The following HDAC9 variants were observed in gnomAD, a reference collection of about 807,000 sequenced individuals.
HDAC9 encodes the protein MEF-2 interacting transcription repressor (MITR) protein.
HDAC9 carries 41 observed loss-of-function variants against 139.4 expected under a neutral mutation model. The observed-to-expected ratio is 0.29, with a 90% confidence interval of 0.23 to 0.38. The LOEUF (loss-of-function observed/expected upper bound fraction) is 0.38, where lower values mean the gene tolerates loss of function less well. Ranked by LOEUF, HDAC9 falls within the 10% of genes least tolerant of loss-of-function variation. The pLI is 1.00. For synonymous variants in HDAC9, 517 were observed against 476.2 expected (o/e 1.09, Z -1.12); for missense variants, 1,147 against 1,297.0 (o/e 0.88, Z 1.78).
At chr7:18,357,884 G>A (rs757493163) in intron 1 of HDAC9, among the ~76,000 whole-genome samples, 1 of 152,172 alleles carries the variant, frequency 6.6e-6, no homozygotes, top group South Asian at 2.1e-4. Context: ...TCTTTGTGAG[G>A]AGCTTGGATT....
intron 21 of HDAC9, among the ~76,000 whole-genome samples, chr7:18,837,291 G>T (rs1350924654): frequency 1.3e-5 from 2 of 151,892 alleles, no homozygotes; most frequent in African/African-American, 4.8e-5. Context: ...TGGGTTGATT[G>T]TGAAGATATT....
chr7:18,795,410 G>A (rs1174884042), intron 17 of HDAC9, among the ~76,000 whole-genome samples: 1 of 152,068 alleles, frequency 6.6e-6, no homozygotes, highest in African/African-American at 2.4e-5. Context: ...CATCTAGGTG[G>A]AATTGATAAT....
chr7:18,958,125 T>G (rs1783287625), intron 24 of HDAC9, among the ~76,000 whole-genome samples: 1 of 152,096 alleles, frequency 6.6e-6, no homozygotes, highest in Non-Finnish European at 1.5e-5. Context: ...GTCCTGTCCT[T>G]GTTTATGTTG....
intron 2 of HDAC9, among the ~76,000 whole-genome samples, chr7:18,179,110 C>G (rs1235729285): frequency 6.6e-6 from 1 of 152,168 alleles, no homozygotes; most frequent in Non-Finnish European, 1.5e-5. Context: ...GCTTATTTTT[C>G]TAAAGATTAT....
intron 1 of HDAC9, among the ~76,000 whole-genome samples, chr7:18,135,371 A>G (rs1041058850): frequency 1.4e-5 from 2 of 145,164 alleles, no homozygotes; most frequent in Non-Finnish European, 3.0e-5. Flanking sequence ...TTACATATGT[A>G]TACATGTGCC....
In HDAC9 at chr7:18,605,676, TTTTG is replaced by T. The variant is rs927028857; in HGVS notation, c.664+11663_664+11666del. Among the ~76,000 whole-genome samples, 140 of 151,376 alleles carry T rather than the reference TTTTG, an allele frequency of 9.2e-4. 4 individuals carry two copies. The highest frequency in any genetic ancestry group is 9.2e-3 in the Admixed American group (140 of 15,188). ...TTCTTCTGAGACTGGGCCCCTGGAGTTTTGTTTGTTTGTTTGTTTTTTGAGACAG... is the reference window on the plus strand; with the variant it reads ...TTCTTCTGAGACTGGGCCCCTGGAGTTTTGTTTGTTTGTTTTTTGAGACAG... On this transcript the variant is annotated intron_variant, in intron 6 of 25. Transcript: ENST00000686413.
intron 21 of HDAC9, chr7:18,851,485 A>T (rs1185691586): frequency 6.6e-6 from 1 of 152,450 alleles, no homozygotes; most frequent in African/African-American, 2.4e-5. Context: ...AGCAATGTGG[A>T]AGTGTGAGTC....
At chr7:18,458,800 G>A in intron 1 of HDAC9, 4 of 1,399,878 alleles carry the variant, frequency 2.9e-6, no homozygotes, top group African/African-American at 1.4e-5. Context: ...AACTCCCATG[G>A]AGGGTCCTTC....
chr7:18,960,694 T>C lies in HDAC9; in HGVS notation c.3022+6464T>C, dbSNP rs77202091. ...GAAGGAAAAGGCTATAAAAGTAAAATAAGACCGTATTTTATGTAATGTTAC... is the reference window on the plus strand; with the variant it reads ...GAAGGAAAAGGCTATAAAAGTAAAACAAGACCGTATTTTATGTAATGTTAC... On this transcript the variant is annotated intron_variant, in intron 24 of 25. Transcript: ENST00000686413. Among the ~76,000 whole-genome samples, 422 of 152,224 alleles carry C rather than the reference T, an allele frequency of 2.8e-3. 2 individuals carry two copies. Among genetic ancestry groups the C allele is most frequent in the African/African-American group, 9.7e-3 (405 of 41,564 alleles).
At chr7:18,166,853 G>C (rs1788046310) in intron 2 of HDAC9, among the ~76,000 whole-genome samples, 1 of 152,050 alleles carries the variant, frequency 6.6e-6, no homozygotes, top group Non-Finnish European at 1.5e-5. Flanking sequence ...TGTCCAAGTG[G>C]GTATTTTTTC....
chr7:18,783,035 T>C (rs1250687880), intron 16 of HDAC9, among the ~76,000 whole-genome samples: 1 of 152,080 alleles, frequency 6.6e-6, no homozygotes, highest in Non-Finnish European at 1.5e-5. Flanking sequence ...CAAAGCTTGC[T>C]TCCTTTTAAT....
intron 8 of HDAC9, among the ~76,000 whole-genome samples, chr7:18,642,714 T>C (rs1786070055): frequency 6.6e-6 from 1 of 152,108 alleles, no homozygotes; most frequent in Non-Finnish European, 1.5e-5. Flanking sequence ...CTCTTCACTG[T>C]AGTCAAAGCC....
At chr7:18,129,325 T>C (rs976352272) in intron 1 of HDAC9, among the ~76,000 whole-genome samples, 3 of 152,138 alleles carry the variant, frequency 2.0e-5, no homozygotes, top group Non-Finnish European at 4.4e-5. Flanking sequence ...CTCTCTGTAA[T>C]TCCAGAGTTG....
intron 1 of HDAC9, among the ~76,000 whole-genome samples, chr7:18,124,528 ATATCT>A (rs1190606046): frequency 6.6e-6 from 1 of 152,134 alleles, no homozygotes; most frequent in Non-Finnish European, 1.5e-5. Flanking sequence ...TTCTTCCCAG[ATATCT>A]TATGTTTTTA....
At chr7:18,570,836 T>TGTTGGTTCCA (rs1387348268) in intron 2 of HDAC9, among the ~76,000 whole-genome samples, 2 of 152,206 alleles carry the variant, frequency 1.3e-5, no homozygotes, top group African/African-American at 4.8e-5. Flanking sequence ...CTGTAATTAG[T>TGTTGGTTCCA]GTTGGTTCCA....
At chr7:18,934,619 C>A (rs1488945355) in intron 22 of HDAC9, among the ~76,000 whole-genome samples, 2 of 152,126 alleles carry the variant, frequency 1.3e-5, no homozygotes, top group South Asian at 2.1e-4. Context: ...TCCCCTCTTA[C>A]ACTGAATGAA....
chr7:18,927,950 T>G (rs1182817149), intron 22 of HDAC9, among the ~76,000 whole-genome samples: 1 of 152,180 alleles, frequency 6.6e-6, no homozygotes, highest in South Asian at 2.1e-4. Context: ...TTGTCATGAA[T>G]GGGAGACTGG....
At chr7:18,619,740 T>C (rs2243880) in intron 6 of HDAC9, among the ~76,000 whole-genome samples, 101,885 of 152,108 alleles carry the variant, frequency 0.67, 36,935 homozygotes, top group South Asian at 0.83. Context: ...GTGTTTGATA[T>C]TTATCTTTGA....
chr7:18,702,995 A>T (rs945310480), intron 12 of HDAC9, among the ~76,000 whole-genome samples: 1 of 152,202 alleles, frequency 6.6e-6, no homozygotes, highest in Non-Finnish European at 1.5e-5. Context: ...ATATTATATG[A>T]ATCCTAAACA....
Sources: gnomAD v4.1 joint callset for allele counts (sites outside exome capture counted in the v4.1 genomes callset) on GRCh38, gnomAD v4.1.1 for gene constraint, MANE v1.5 for transcripts, NCBI Gene and HGNC (gene_info 2026-07-23, HGNC 2026-07-21) for gene names.